The following PROSER3 variants were observed in gnomAD, a reference collection of about 807,000 sequenced individuals.
The protein encoded by PROSER3 is proline and serine rich 3.
In PROSER3, 33 loss-of-function variants were observed where a neutral mutation model predicts 50.2. The ratio of observed to expected loss-of-function variants is 0.66; its 90% CI spans 0.50 to 0.88. The LOEUF (loss-of-function observed/expected upper bound fraction) is 0.88, where lower values mean the gene tolerates loss of function less well. PROSER3 is among the 40% of genes least tolerant of loss of function. The pLI is 0.00. For synonymous variants in PROSER3, 266 were observed against 259.3 expected, an observed-to-expected ratio of 1.03 and a Z score of -0.25; for missense variants, 623 against 612.7, an observed-to-expected ratio of 1.02 and a Z score of -0.18.
intron 8 of PROSER3, chr19:35,767,194 T>C: frequency 2.1e-6 from 1 of 483,624 alleles, no homozygotes; most frequent in Non-Finnish European, 3.6e-6. Flanking sequence ...GGCCTCCTTT[T>C]CCCTCAGTGT....
chr19:35,766,595 C>T (rs1971148456), intron 7 of PROSER3, among the ~76,000 whole-genome samples, 173 bp from the exon 8 acceptor site: 1 of 152,028 alleles, frequency 6.6e-6, no homozygotes, highest in Non-Finnish European at 1.5e-5. Context: ...GTGCTCGCTC[C>T]CCTGACTTTG....
intron 7 of PROSER3, 112 bp downstream of exon 7, chr19:35,765,288 A>T: frequency 7.5e-7 from 1 of 1,335,502 alleles, no homozygotes; most frequent in Non-Finnish European, 1.0e-6. Context: ...CAGCTGTAAA[A>T]CAGGGATAAG....
chr19:35,768,240 A>G lies in PROSER3; in HGVS notation c.1301+4A>G. On this transcript the variant is annotated splice_donor_region_variant and intron_variant, in intron 10 of 10. Coordinates refer to ENST00000396908, the Ensembl canonical transcript of PROSER3. The stretch of plus-strand genomic sequence containing the variant: ...CAGAGCTGAGTCGGCAGAAAAGGTG[A>G]CCGACCCTCCATCCCCAGAGTCTAT... 2 of 1,610,508 alleles carry G rather than the reference A, an allele frequency of 1.2e-6. No homozygotes were observed. The highest frequency in any genetic ancestry group is 1.7e-4 in the Middle Eastern group (1 of 6,056).
rs1215352980 is a variant in PROSER3, at chr19:35,764,851, C to CA, written c.544-2dup. ...GCTGGCGTCTGACCCTGTCACCCTG[C>CA]AGAACCTCCACACATGGAACTCATC... On this transcript the variant is annotated splice_region_variant and splice_polypyrimidine_tract_variant and intron_variant, in intron 5 of 10. Transcript: ENST00000396908. 6.2e-7 allele frequency: 1 copy of CA among 1,612,842 alleles called. No homozygotes were observed. The highest frequency in any genetic ancestry group is 8.5e-7 in the Non-Finnish European group (1 of 1,179,430).
At chr19:35,762,287 A>C (rs749394536) in exon 5 of PROSER3, 2 of 1,612,452 alleles carry the variant, frequency 1.2e-6, no homozygotes, top group South Asian at 2.2e-5. Context: ...GACCCCATAC[A>C]GCTGTCCCTA....
chr19:35,763,759 G>T (rs1484842560), intron 5 of PROSER3, among the ~76,000 whole-genome samples: 1 of 150,272 alleles, frequency 6.7e-6, no homozygotes, highest in Non-Finnish European at 1.5e-5. Flanking sequence ...ACCCACCTCG[G>T]CCTCCCAAAG....
chr19:35,765,354 G>A (rs1377013383), intron 7 of PROSER3, among the ~76,000 whole-genome samples, 178 bp downstream of exon 7: 1 of 152,188 alleles, frequency 6.6e-6, no homozygotes, highest in East Asian at 1.9e-4. Context: ...CCTGAGCTCA[G>A]GAGTTTGAGA....
At chr19:35,763,441 G>A (rs866992484) in intron 5 of PROSER3, among the ~76,000 whole-genome samples, 4 of 150,198 alleles carry the variant, frequency 2.7e-5, no homozygotes, top group Admixed American at 6.7e-5. Context: ...CCTGACCTCC[G>A]GCAATCCGCC....
rs1019308753 is a variant in PROSER3, at chr19:35,761,962, CTTA to C, written c.312-48_312-46del. ...GTAAACGTTGGCTGCTATAATTATT[CTTA>C]TTATTATTTGGCTCTCCTCACTCCA... On this transcript the variant is annotated intron_variant, in intron 3 of 10. Transcript: ENST00000396908. The C allele has an allele frequency of 1.6e-5, 24 of 1,500,594 alleles. No individual in the cohort carries two copies. The South Asian group carries it at 2.6e-4, about 16-fold the overall frequency. The allele number at this position is 1,500,594 out of a possible 1,614,324, so 93.0% of individuals were successfully genotyped here.
At chr19:35,759,163 T>A (rs1327866909) in intron 1 of PROSER3, 1 of 538,700 alleles carries the variant, frequency 1.9e-6, no homozygotes, top group Non-Finnish European at 3.3e-6. Flanking sequence ...GTTCCTGAGT[T>A]GCTCCCTGTT....
At chr19:35,759,438 T>C (rs1379204782) in exon 2 of PROSER3, 1 of 1,613,418 alleles carries the variant, frequency 6.2e-7, no homozygotes. Context: ...AAGCCACTAC[T>C]GGCCATCCCA....
At chr19:35,766,080 C>T (rs1018696492) in intron 7 of PROSER3, among the ~76,000 whole-genome samples, 6 of 152,010 alleles carry the variant, frequency 3.9e-5, no homozygotes, top group Non-Finnish European at 8.8e-5. Flanking sequence ...GAGTAGGGAA[C>T]AGATTTGGAG....
intron 1 of PROSER3, 194 bp from the exon 2 acceptor site, chr19:35,759,180 G>C: frequency 1.7e-6 from 1 of 577,894 alleles, no homozygotes; most frequent in Non-Finnish European, 3.1e-6. Context: ...TGTTAAGACT[G>C]CTCCAGGGGC....
intron 3 of PROSER3, among the ~76,000 whole-genome samples, chr19:35,761,022 T>C (rs112863645): frequency 3.0e-4 from 45 of 152,332 alleles, no homozygotes; most frequent in East Asian, 2.9e-3. Flanking sequence ...TGGCAACCCG[T>C]AGTTGAGGTG....
chr19:35,768,673 T>C (rs1971257387), exon 11 of PROSER3: 8 of 1,200,922 alleles, frequency 6.7e-6, no homozygotes, highest in South Asian at 1.7e-5. Context: ...ATGCCCCCCA[T>C]CCTCCGCTGC....
intron 5 of PROSER3, chr19:35,762,884 T>A (rs1971006172): frequency 6.9e-6 from 1 of 144,640 alleles, no homozygotes; most frequent in African/African-American, 2.6e-5. Context: ...ATACAAAAAT[T>A]AGCCGGGCGT....
intron 2 of PROSER3, 156 bp downstream of exon 2, chr19:35,759,626 C>A: frequency 1.0e-6 from 1 of 973,476 alleles, no homozygotes; most frequent in East Asian, 2.6e-5. Flanking sequence ...CCCCTCTCTA[C>A]CACCTGGATT....
chr19:35,758,490 A>G lies in PROSER3; in HGVS notation c.11+264A>G, dbSNP rs576588823. 8.7e-4 allele frequency: 352 copies of G among 404,616 alleles called. No homozygotes were observed. The Middle Eastern group carries it at 0.012, about 14-fold the overall frequency. The allele number at this position is 404,616 out of a possible 1,614,324, so 25.1% of individuals were successfully genotyped here. Reference sequence around the variant, plus strand: ...TAAAGGTGTCCAAGAAAGGCTTGAGATCTGAATTTCTTCATTTTGAAATGG... The same window carrying G: ...TAAAGGTGTCCAAGAAAGGCTTGAGGTCTGAATTTCTTCATTTTGAAATGG... On this transcript the variant is annotated intron_variant, in intron 1 of 10. Coordinates refer to ENST00000396908, the Ensembl canonical transcript of PROSER3.
At chr19:35,765,736 T>C (rs1971120280) in intron 7 of PROSER3, among the ~76,000 whole-genome samples, 1 of 152,130 alleles carries the variant, frequency 6.6e-6, no homozygotes, top group Admixed American at 6.6e-5. Flanking sequence ...GGTCTCACTA[T>C]GTTGCTCAGG....
Sources: gnomAD v4.1 joint callset for allele counts (sites outside exome capture counted in the v4.1 genomes callset) on GRCh38, gnomAD v4.1.1 for gene constraint, MANE v1.5 for transcripts, NCBI Gene and HGNC (gene_info 2026-07-23, HGNC 2026-07-21) for gene names.